Variants in MAPK8IP3 observed in about 807,000 individuals in gnomAD.
MAPK8IP3 encodes mitogen-activated protein kinase 8 interacting protein 3.
In MAPK8IP3, 49 loss-of-function variants were observed where a neutral mutation model predicts 157.8. The ratio of observed to expected loss-of-function variants is 0.31; its 90% CI spans 0.25 to 0.39. The LOEUF (loss-of-function observed/expected upper bound fraction) is 0.39, where lower values mean the gene tolerates loss of function less well. Ranked by LOEUF, MAPK8IP3 falls within the 10% of genes least tolerant of loss-of-function variation. The pLI, the probability that MAPK8IP3 is intolerant of heterozygous loss-of-function variation, is 1.00. For missense variants in MAPK8IP3, 1,478 were observed against 1,889.4 expected (o/e 0.78, Z 4.04); for synonymous variants, 897 against 777.7 (o/e 1.15, Z -2.55).
chr16:1,706,764 G>C lies in MAPK8IP3; in HGVS notation c.318+107G>C. On this transcript the variant is annotated intron_variant, in intron 1 of 31. Coordinates refer to ENST00000610761, the MANE Select transcript of MAPK8IP3 (RefSeq NM_001318852.2). The surrounding 1 kb of genome is among the most constrained non-coding windows in gnomAD (Gnocchi z 5.1). ...ACCCCAGACCCCGCTCCGGCACCCC[G>C]GACCGCGGGACCCCTGGACCCCCAG... 8.7e-7 allele frequency: 1 copy of C among 1,150,792 alleles called. No individual in the cohort carries two copies. Among genetic ancestry groups the C allele is most frequent in the Non-Finnish European group, 1.1e-6 (1 of 896,700 alleles). 71.3% of individuals were successfully genotyped at this position (1,150,792 alleles called of 1,614,324 possible).
chr16:1,728,680 G>GAC (rs2039073085), intron 2 of MAPK8IP3, among the ~76,000 whole-genome samples: 1 of 126,398 alleles, frequency 7.9e-6, no homozygotes, highest in African/African-American at 3.2e-5. Context: ...CATGGTACAG[G>GAC]GCACAGCAGC....
intron 1 of MAPK8IP3, among the ~76,000 whole-genome samples, chr16:1,718,785 C>CAA (rs985470020): frequency 8.0e-6 from 1 of 125,638 alleles, no homozygotes; most frequent in Non-Finnish European, 1.7e-5. Flanking sequence ...AGAACCATCT[C>CAA]AAAAAAAAAA....
intron 16 of MAPK8IP3, 74 bp downstream of exon 16, chr16:1,763,080 C>T (rs931713740): frequency 3.8e-6 from 6 of 1,580,950 alleles, no homozygotes; most frequent in Admixed American, 3.4e-5. Context: ...TCCTCCCCTC[C>T]AGGCCCTGAA....
Position 1,743,225 on chromosome 16 carries a change from C to A in MAPK8IP3, c.603-107C>A. On this transcript the variant is annotated intron_variant, in intron 4 of 31. Transcript: ENST00000610761. The surrounding 1 kb of genome is among the most constrained non-coding windows in gnomAD (Gnocchi z 5.6). ...CTGCTCGAGCTGGGCTGCTGGCTGG[C>A]ATGGAGCGGCCCCATCACTCGAGGT... is the stretch of plus-strand genomic sequence containing the variant. The A allele has an allele frequency of 7.1e-7, 1 of 1,415,660 alleles. No individual in the cohort carries two copies. Among genetic ancestry groups the A allele is most frequent in the Admixed American group, 3.0e-5 (1 of 32,798 alleles). The allele number at this position is 1,415,660 out of a possible 1,614,324, so 87.7% of individuals were successfully genotyped here. A position where few individuals can be genotyped will look rare whatever the true frequency, so the allele number is the denominator to read the frequency against.
At position 1,764,919 on chromosome 16, in the gene MAPK8IP3, G is replaced by A. The variant is rs545412996; in HGVS notation, c.2281-94G>A. The A allele has an allele frequency of 4.6e-6, 6 of 1,292,394 alleles. No individual in the cohort carries two copies. The East Asian group carries it at 1.2e-4, about 26-fold the overall frequency. The allele number at this position is 1,292,394 out of a possible 1,614,324, so 80.1% of individuals were successfully genotyped here. A position where few individuals can be genotyped will look rare whatever the true frequency, so the allele number is the denominator to read the frequency against. On this transcript the variant is annotated intron_variant, in intron 19 of 31. Coordinates refer to ENST00000610761, the MANE Select transcript of MAPK8IP3 (RefSeq NM_001318852.2). ...GTCCCCTCAAGCTGTAGTCAAGGCT[G>A]GATCCTGACAGATTCTGGGAGCCCC...
At chr16:1,749,208 G>T (rs1321040759) in intron 8 of MAPK8IP3, among the ~76,000 whole-genome samples, 1 of 152,148 alleles carries the variant, frequency 6.6e-6, no homozygotes, top group Non-Finnish European at 1.5e-5. Context: ...CGAGTGCACG[G>T]TGCGGTGGGT....
At chr16:1,757,527 G>A (rs903020941) in intron 8 of MAPK8IP3, among the ~76,000 whole-genome samples, 1 of 152,166 alleles carries the variant, frequency 6.6e-6, no homozygotes, top group Admixed American at 6.5e-5. Flanking sequence ...CCAGCCTCCT[G>A]TGCAGGGAGG....
intron 26 of MAPK8IP3, 55 bp downstream of exon 26, chr16:1,767,352 T>C: frequency 6.2e-7 from 1 of 1,603,482 alleles, no homozygotes; most frequent in South Asian, 1.1e-5. Context: ...GGCCAGCAGC[T>C]CTCCCGCATC....
intron 1 of MAPK8IP3, among the ~76,000 whole-genome samples, chr16:1,712,803 C>T (rs1039756812): frequency 1.1e-4 from 16 of 152,226 alleles, no homozygotes; most frequent in African/African-American, 3.4e-4. Flanking sequence ...CCGTCTCTGC[C>T]GGATTCGCTG....
rs770246087 is a variant in MAPK8IP3 at position 1,766,379 on chromosome 16, C to G, written c.2789C>G (p.Pro930Arg). ...GAGCACGTCTTCACTGACCCAGCCCCGACCCCGTCCTCTGGCCCCCAGCCT... is the reference window on the plus strand; with the variant it reads ...GAGCACGTCTTCACTGACCCAGCCCGGACCCCGTCCTCTGGCCCCCAGCCT... Reference protein sequence around the residue: ...LTEHVFTDPAPTPSSGPQPGS... With the variant: ...LTEHVFTDPARTPSSGPQPGS... The change falls in exon 22 of 32, where the codon CCG (proline) becomes CGG (arginine). Residue 930 changes from proline to arginine, a missense_variant. This residue lies in a region of MAPK8IP3 where 669 missense variants were observed against 759.8 expected (regional missense o/e 0.88). Transcript: ENST00000610761. 2 of 1,611,648 alleles carry G rather than the reference C, an allele frequency of 1.2e-6. No individual in the cohort carries two copies. The highest frequency in any genetic ancestry group is 2.7e-5 in the African/African-American group (2 of 74,938).
chr16:1,739,813 AGC>A (rs1340526002), intron 4 of MAPK8IP3, among the ~76,000 whole-genome samples: 2 of 61,082 alleles, frequency 3.3e-5, no homozygotes, highest in African/African-American at 6.9e-5. Flanking sequence ...CATCCGTGTG[AGC>A]GTGTGAGCAT....
At chr16:1,727,011 T>C (rs1267401438) in intron 2 of MAPK8IP3, among the ~76,000 whole-genome samples, 2 of 151,076 alleles carry the variant, frequency 1.3e-5, no homozygotes, top group South Asian at 2.1e-4. Context: ...CTGTGTGTCA[T>C]GTGCTGTGTG....
Position 1,710,648 on chromosome 16 carries a change from T to G in MAPK8IP3, c.318+3991T>G, listed in dbSNP as rs1193480073. Among the ~76,000 whole-genome samples the G allele has an allele frequency of 2.0e-5, 3 of 152,202 alleles. No individual in the cohort carries two copies. The highest frequency in any genetic ancestry group is 2.9e-5 in the Non-Finnish European group (2 of 68,028). On this transcript the variant is annotated intron_variant, in intron 1 of 31. Coordinates refer to ENST00000610761, the MANE Select transcript of MAPK8IP3 (RefSeq NM_001318852.2). This position sits in a 1 kb window ranked among gnomAD's most constrained non-coding sequence, Gnocchi z 4.1. ...GCCAGACGATCTGCAGGAAGTCTTT[T>G]CCATCAATGAATTAAGATGCTGAAT...
chr16:1,765,212 G>A lies in MAPK8IP3; in HGVS notation c.2446+34G>A, dbSNP rs367908120. 40 of 1,566,432 alleles carry A rather than the reference G, an allele frequency of 2.6e-5. 1 individual carries two copies. The Admixed American group carries it at 3.5e-4, about 14-fold the overall frequency. On this transcript the variant is annotated intron_variant, in intron 20 of 31. Coordinates refer to ENST00000610761, the MANE Select transcript of MAPK8IP3 (RefSeq NM_001318852.2). Reference sequence around the variant, plus strand: ...CTGGAGTGGGCGTTTCCACTCGGGCGCCACTCCCTTTTACTAGCAAGCTAA... The same window carrying A: ...CTGGAGTGGGCGTTTCCACTCGGGCACCACTCCCTTTTACTAGCAAGCTAA...
At chr16:1,733,698 T>A (rs2039465976) in intron 4 of MAPK8IP3, among the ~76,000 whole-genome samples, 1 of 152,156 alleles carries the variant, frequency 6.6e-6, no homozygotes, top group Non-Finnish European at 1.5e-5. Flanking sequence ...ACCTCGTCCT[T>A]GTCAGGGCCC....
intron 4 of MAPK8IP3, among the ~76,000 whole-genome samples, chr16:1,735,480 ACCGT>A (rs1290943384): frequency 8.5e-6 from 1 of 118,126 alleles, no homozygotes; most frequent in Non-Finnish European, 1.7e-5. Context: ...TGAGAGTGTG[ACCGT>A]CCATGTGAGC....
chr16:1,745,194 T>C, intron 5 of MAPK8IP3: 1 of 984,202 alleles, frequency 1.0e-6, no homozygotes, highest in Non-Finnish European at 1.2e-6. Context: ...GACTGCAGAA[T>C]TCCCCGCAGC....
intron 20 of MAPK8IP3, 39 bp from the exon 21 acceptor site, chr16:1,765,921 G>A: frequency 6.4e-7 from 1 of 1,564,542 alleles, no homozygotes; most frequent in Non-Finnish European, 8.7e-7. Flanking sequence ...GCAGTAGTGG[G>A]TTCCCCCGCA....
In MAPK8IP3 at chr16:1,710,325, T is replaced by G. The variant is rs1202470245; in HGVS notation, c.318+3668T>G. 1.3e-5 allele frequency among the ~76,000 whole-genome samples: 2 copies of G among 150,622 alleles called. No homozygotes were observed. The highest frequency in any genetic ancestry group is 3.0e-5 in the Non-Finnish European group (2 of 67,718). ...TAAAGAAAAAAAAAAGAAAAAAAAA[T>G]TAGCCAGGTGTGGCGGCAGGCCCCT... On this transcript the variant is annotated intron_variant, in intron 1 of 31. Coordinates refer to ENST00000610761, the MANE Select transcript of MAPK8IP3 (RefSeq NM_001318852.2). The surrounding 1 kb of genome is among the most constrained non-coding windows in gnomAD (Gnocchi z 4.1).
Sources: gnomAD v4.1 joint callset for allele counts (sites outside exome capture counted in the v4.1 genomes callset) on GRCh38, gnomAD v4.1.1 for gene constraint, gnomAD v4.1.1 regional missense constraint, Gnocchi (gnomAD v3.1) non-coding constraint, MANE v1.5 for transcripts, NCBI Gene and HGNC (gene_info 2026-07-23, HGNC 2026-07-21) for gene names.